Variants in C4orf50 observed in about 807,000 individuals in gnomAD.
C4orf50 encodes uncharacterized protein C4orf50.
In C4orf50, 80 loss-of-function variants were observed where a neutral mutation model predicts 77.2. That is an observed-to-expected ratio of 1.04 (90% CI 0.87 to 1.25). The LOEUF (loss-of-function observed/expected upper bound fraction) is 1.25. C4orf50 is among the 50% of genes most tolerant of loss of function. The pLI is 0.00. For missense variants in C4orf50, 1,257 were observed against 1,152.9 expected, an observed-to-expected ratio of 1.09 and a Z score of -1.31; for synonymous variants, 532 against 465.3, an observed-to-expected ratio of 1.14 and a Z score of -1.84.
At chr4:5,976,869 C>T (rs1403384186) in intron 29 of C4orf50, among the ~76,000 whole-genome samples, 1 of 152,228 alleles carries the variant, frequency 6.6e-6, no homozygotes, top group Non-Finnish European at 1.5e-5. Flanking sequence ...GAGGGGGTTC[C>T]TATCACCTTC....
At chr4:5,967,733 A>G (rs887426963) in intron 31 of C4orf50, among the ~76,000 whole-genome samples, 3 of 152,230 alleles carry the variant, frequency 2.0e-5, no homozygotes, top group African/African-American at 7.2e-5. Context: ...CCAAATGGAG[A>G]CAGTAATAAA....
chr4:5,988,540 G>A (rs1317557080), exon 28 of C4orf50: 2 of 1,537,366 alleles, frequency 1.3e-6, no homozygotes, highest in Admixed American at 2.0e-5. Flanking sequence ...GGAATTCCCG[G>A]TGCCTGTGGA....
At chr4:5,915,040 T>C (rs575278796) in intron 7 of C4orf50, among the ~76,000 whole-genome samples, 2 of 152,322 alleles carry the variant, frequency 1.3e-5, no homozygotes, top group African/African-American at 4.8e-5. Context: ...CTAAAAATAT[T>C]ATCTTCAATA....
intron 29 of C4orf50, among the ~76,000 whole-genome samples, chr4:5,979,147 C>T (rs1337304813): frequency 1.3e-5 from 2 of 152,106 alleles, no homozygotes; most frequent in Non-Finnish European, 2.9e-5. Context: ...CTTGCCATTA[C>T]CTATCACAGT....
intron 7 of C4orf50, chr4:5,898,840 A>G (rs1329921731): frequency 6.6e-6 from 1 of 152,216 alleles, no homozygotes; most frequent in East Asian, 1.9e-4. Context: ...TCAGAGACAA[A>G]AAAAAATGGT....
chr4:5,984,905 C>A (rs1031857988), intron 28 of C4orf50, among the ~76,000 whole-genome samples: 8 of 149,226 alleles, frequency 5.4e-5, no homozygotes, highest in South Asian at 2.1e-4. Flanking sequence ...ACAAATAAAA[C>A]CATATCTAGG....
chr4:5,906,319 ACTGT>A (rs1450745638), intron 7 of C4orf50, among the ~76,000 whole-genome samples: 8 of 151,996 alleles, frequency 5.3e-5, no homozygotes, highest in Non-Finnish European at 4.4e-5. Context: ...TGAAATAAAG[ACTGT>A]CTGGAGATGG....
intron 23 of C4orf50, among the ~76,000 whole-genome samples, chr4:6,016,991 T>A (rs372134796): frequency 3.3e-5 from 5 of 152,266 alleles, no homozygotes; most frequent in East Asian, 3.9e-4. Flanking sequence ...CATGCTGGGT[T>A]TCGCTGATCT....
intron 7 of C4orf50, among the ~76,000 whole-genome samples, chr4:5,939,303 G>A (rs1283172976): frequency 6.6e-6 from 1 of 152,134 alleles, no homozygotes; most frequent in East Asian, 1.9e-4. Context: ...CTGCCCATCA[G>A]CCATTATCCA....
intron 31 of C4orf50, among the ~76,000 whole-genome samples, chr4:5,968,843 G>A (rs1007398668): frequency 6.6e-6 from 1 of 152,308 alleles, no homozygotes; most frequent in African/African-American, 2.4e-5. Flanking sequence ...CACCGACAGA[G>A]TAGCCTCAAG....
downstream of C4orf50, among the ~76,000 whole-genome samples, chr4:5,954,279 T>G (rs528603454): frequency 6.6e-6 from 1 of 152,186 alleles, no homozygotes; most frequent in East Asian, 1.9e-4. This position sits in a 1 kb window ranked among gnomAD's most constrained non-coding sequence, Gnocchi z 4.7. Flanking sequence ...TCTGGTCCTG[T>G]GTCCAGCAAA....
chr4:5,989,321 G>C, exon 28 of C4orf50: 1 of 1,536,038 alleles, frequency 6.5e-7, no homozygotes, highest in Non-Finnish European at 8.7e-7. Flanking sequence ...GGCCCCTGTG[G>C]AGGGTTTGGG....
chr4:5,988,611 T>C (rs1160176613), exon 28 of C4orf50: 4 of 1,536,192 alleles, frequency 2.6e-6, no homozygotes, highest in Non-Finnish European at 3.5e-6. Flanking sequence ...CACAGGCTCT[T>C]GAAAGCAGCT....
rs142905686 is a variant in C4orf50, at chr4:6,013,770, G to C, written c.288-1802C>G. ...GGAATGCAGCTCTAGACCTGGAGAA[G>C]ACCAGGAAATGGATTTCCCCTCCAG... On this transcript the variant is annotated intron_variant, in intron 23 of 33. Coordinates refer to ENST00000531445, the Ensembl canonical transcript of C4orf50. 4.1e-4 allele frequency among the ~76,000 whole-genome samples: 62 copies of C among 152,300 alleles called. 2 individuals are homozygous for C. The East Asian group carries it at 8.1e-3, about 20-fold the overall frequency.
intron 7 of C4orf50, among the ~76,000 whole-genome samples, chr4:5,917,378 A>G (rs73067421): frequency 0.13 from 20,204 of 150,980 alleles, 2,962 homozygotes; most frequent in African/African-American, 0.36. Flanking sequence ...TTGATGCAGG[A>G]AAGTCGTAGG....
rs1414857146 is a variant in C4orf50, at chr4:5,992,137, G to A, written c.1221+666C>T. ...ATTGCCCTGGGCTTCAAGGGAAGGG[G>A]GCGGTGAGGAGCGAGGCATATAGGG... On this transcript the variant is annotated intron_variant, in intron 27 of 33. Coordinates refer to ENST00000531445, the Ensembl canonical transcript of C4orf50. This position sits in a 1 kb window ranked among gnomAD's most constrained non-coding sequence, Gnocchi z 5.0. Among the ~76,000 whole-genome samples the A allele has an allele frequency of 6.6e-6, 1 of 152,210 alleles. No individual in the cohort carries two copies. The highest frequency in any genetic ancestry group is 1.5e-5 in the Non-Finnish European group (1 of 68,036).
chr4:6,011,743 CTG>C lies in C4orf50; in HGVS notation c.426+85_426+86del, dbSNP rs1456462917. The C allele has an allele frequency of 2.5e-6, 1 of 398,676 alleles. No homozygotes were observed. Among genetic ancestry groups the C allele is most frequent in the African/African-American group, 2.1e-5 (1 of 48,646 alleles). The allele number at this position is 398,676 out of a possible 1,614,324, so 24.7% of individuals were successfully genotyped here. ...TGGGCTCTCCCAGGCCCACCCTGTACTGTCTTTGCCCAACTGCAGCTGCTGCT... is the reference window on the plus strand; with the variant it reads ...TGGGCTCTCCCAGGCCCACCCTGTACTCTTTGCCCAACTGCAGCTGCTGCT... On this transcript the variant is annotated intron_variant, in intron 24 of 33. Coordinates refer to ENST00000531445, the Ensembl canonical transcript of C4orf50. The surrounding 1 kb of genome is among the most constrained non-coding windows in gnomAD (Gnocchi z 4.2).
chr4:5,909,274 AAGCAGGGTTCGGTGTCC>A (rs1716691633), intron 7 of C4orf50, among the ~76,000 whole-genome samples: 1 of 152,128 alleles, frequency 6.6e-6, no homozygotes, highest in Non-Finnish European at 1.5e-5. Flanking sequence ...TGACCACCAA[AAGCAGGGTTCGGTGTCC>A]AGAGGGAAAT....
chr4:5,909,245 A>C (rs1256458466), intron 7 of C4orf50, among the ~76,000 whole-genome samples: 1 of 152,206 alleles, frequency 6.6e-6, no homozygotes, highest in Non-Finnish European at 1.5e-5. Flanking sequence ...ACCTCCTTGC[A>C]GGCTGAGCAC....
Sources: allele counts gnomAD v4.1 joint callset (sites outside exome capture counted in the v4.1 genomes callset), GRCh38; gene constraint gnomAD v4.1.1; non-coding constraint Gnocchi (gnomAD v3.1); transcripts MANE v1.5; gene names NCBI Gene and HGNC (gene_info 2026-07-23, HGNC 2026-07-21).